The following XDH variants were observed in gnomAD, a reference collection of about 807,000 sequenced individuals.
XDH encodes the protein xanthine dehydrogenase/oxidase.
In XDH, 138 loss-of-function variants were observed where a neutral mutation model predicts 156.1. The ratio of observed to expected loss-of-function variants is 0.88; its 90% CI spans 0.77 to 1.02. XDH has a LOEUF of 1.02. Among genes scored for constraint, XDH ranks in the 50% least tolerant of loss-of-function variants. The probability of loss-of-function intolerance (pLI) is 0.00; values close to 1 mark genes in which losing one functional copy is unlikely to be tolerated. For synonymous variants in XDH, 669 were observed against 625.7 expected, an observed-to-expected ratio of 1.07 and a Z score of -1.03; for missense variants, 1,849 against 1,684.9, an observed-to-expected ratio of 1.10 and a Z score of -1.71.
chr2:31,407,326 A>G (rs1434538551), intron 1 of XDH, among the ~76,000 whole-genome samples: 3 of 152,040 alleles, frequency 2.0e-5, no homozygotes, highest in Non-Finnish European at 2.9e-5. Context: ...GTTGGTATAC[A>G]CTCCCGGAGC....
intron 1 of XDH, among the ~76,000 whole-genome samples, chr2:31,411,092 G>A (rs957877856): frequency 1.3e-5 from 2 of 151,862 alleles, no homozygotes; most frequent in African/African-American, 4.8e-5. Context: ...CATCAGCCTG[G>A]CCAAGATGGT....
At chr2:31,341,546 A>G in intron 32 of XDH, 152 bp from the exon 33 acceptor site, 1 of 842,598 alleles carries the variant, frequency 1.2e-6, no homozygotes. Flanking sequence ...AGAAGTGTTG[A>G]TGTTCCCACC....
chr2:31,398,760 G>T, intron 4 of XDH, 61 bp from the exon 5 acceptor site: 5 of 1,607,344 alleles, frequency 3.1e-6, no homozygotes, highest in Middle Eastern at 1.8e-4. Context: ...CTCCCCAAAG[G>T]ACTCGACTGG....
chr2:31,367,052 G>C, intron 20 of XDH, 58 bp from the exon 21 acceptor site: 1 of 1,613,236 alleles, frequency 6.2e-7, no homozygotes, highest in South Asian at 1.1e-5. Flanking sequence ...GGGCCAGCTT[G>C]CCTAAGGAGA....
chr2:31,408,094 T>C (rs550702233), intron 1 of XDH, among the ~76,000 whole-genome samples: 8 of 152,320 alleles, frequency 5.3e-5, no homozygotes, highest in Admixed American at 5.2e-4. Context: ...CCAAGTTCCT[T>C]AGGCTGTCTT....
chr2:31,367,707 T>C (rs1009578869), intron 20 of XDH, among the ~76,000 whole-genome samples: 1 of 152,122 alleles, frequency 6.6e-6, no homozygotes, highest in Admixed American at 6.6e-5. Context: ...CCCTAGTTGG[T>C]CTTCCGGATC....
intron 13 of XDH, among the ~76,000 whole-genome samples, 163 bp downstream of exon 13, chr2:31,379,704 A>G (rs777564601): frequency 1.3e-5 from 2 of 152,122 alleles, no homozygotes; most frequent in Non-Finnish European, 2.9e-5. Flanking sequence ...TCCAGAAAGG[A>G]GTATGGTTGG....
chr2:31,337,606 C>T, intron 35 of XDH, 35 bp downstream of exon 35: 5 of 1,613,098 alleles, frequency 3.1e-6, no homozygotes, highest in Non-Finnish European at 4.2e-6. Context: ...CCCTGGCCTC[C>T]CCTGGACTGA....
intron 9 of XDH, 59 bp downstream of exon 9, chr2:31,386,355 G>A: frequency 1.2e-6 from 2 of 1,601,152 alleles, no homozygotes; most frequent in East Asian, 2.2e-5. Context: ...ATGGGCAAGA[G>A]GACCTAGAAA....
At chr2:31,365,891 G>C (rs897007774) in intron 22 of XDH, 85 bp downstream of exon 22, 2 of 1,599,146 alleles carry the variant, frequency 1.3e-6, no homozygotes, top group East Asian at 2.2e-5. Context: ...ATTCTAACAG[G>C]GGGAAGTCCT....
intron 2 of XDH, among the ~76,000 whole-genome samples, chr2:31,405,183 T>C (rs1009183806): frequency 6.6e-6 from 1 of 152,214 alleles, no homozygotes. Flanking sequence ...TACGCTTCCA[T>C]GGGATTCCTG....
At chr2:31,366,336 T>C (rs998646494) in intron 21 of XDH, among the ~76,000 whole-genome samples, 8 of 152,210 alleles carry the variant, frequency 5.3e-5, no homozygotes, top group African/African-American at 1.9e-4. Flanking sequence ...AGAATACTTT[T>C]AGAAACTTAT....
At chr2:31,381,865 C>A in intron 11 of XDH, 139 bp from the exon 12 acceptor site, 1 of 756,926 alleles carries the variant, frequency 1.3e-6, no homozygotes, top group Middle Eastern at 3.5e-4. Context: ...AGTCACAATA[C>A]CAGCATAGTG....
intron 35 of XDH, among the ~76,000 whole-genome samples, chr2:31,336,226 T>A (rs1197799976): frequency 6.6e-6 from 1 of 152,248 alleles, no homozygotes; most frequent in Non-Finnish European, 1.5e-5. Context: ...AGGCGTTCTA[T>A]TAGGTTTTGG....
At chr2:31,389,136 G>A (rs1000010175) in intron 6 of XDH, among the ~76,000 whole-genome samples, 1 of 152,244 alleles carries the variant, frequency 6.6e-6, no homozygotes, top group Non-Finnish European at 1.5e-5. Context: ...CTTTTATCGG[G>A]TAGTCAATTC....
intron 9 of XDH, 158 bp from the exon 10 acceptor site, chr2:31,384,005 T>C (rs1216449429): frequency 1.4e-6 from 1 of 730,028 alleles, no homozygotes; most frequent in East Asian, 2.8e-5. Context: ...GGAAACTCAG[T>C]AGACCAGGGG....
intron 6 of XDH, among the ~76,000 whole-genome samples, chr2:31,391,474 T>C (rs1295441559): frequency 6.6e-6 from 1 of 152,188 alleles, no homozygotes; most frequent in East Asian, 1.9e-4. Context: ...AATATTGAGT[T>C]GGCTATTCTG....
At chr2:31,397,557 C>A (rs762519009) in intron 6 of XDH, 111 bp downstream of exon 6, 39 of 1,333,772 alleles carry the variant, frequency 2.9e-5, no homozygotes, top group Non-Finnish European at 4.1e-5. Flanking sequence ...AACTGGTCAT[C>A]TTATCATCAT....
chr2:31,398,560 T>A lies in XDH; in HGVS notation c.433+13A>T. 6.2e-7 allele frequency: 1 copy of A among 1,613,828 alleles called. No individual in the cohort carries two copies. ...GCCATTCCACCTCCTAGGCTGTGCC[T>A]GAAGGCCCATACCTTGGAAGGCATT... On this transcript the variant is annotated intron_variant, in intron 5 of 35. Transcript: ENST00000379416.
Sources: allele counts gnomAD v4.1 joint callset (sites outside exome capture counted in the v4.1 genomes callset), GRCh38; gene constraint gnomAD v4.1.1; transcripts MANE v1.5; gene names NCBI Gene and HGNC (gene_info 2026-07-23, HGNC 2026-07-21).